Variants in ZNF804B observed in about 807,000 individuals in gnomAD.
The protein encoded by ZNF804B is zinc finger 804B.
A neutral mutation model predicts 101.4 loss-of-function variants in ZNF804B; 80 were observed. The ratio of observed to expected loss-of-function variants is 0.79; its 90% CI spans 0.66 to 0.95. The LOEUF (loss-of-function observed/expected upper bound fraction) is 0.95. Ranked by LOEUF, ZNF804B falls within the 40% of genes least tolerant of loss-of-function variation. The pLI is 0.00. For synonymous variants in ZNF804B, 622 were observed against 558.8 expected, an observed-to-expected ratio of 1.11 and a Z score of -1.59; for missense variants, 1,673 against 1,561.9, an observed-to-expected ratio of 1.07 and a Z score of -1.20.
At chr7:89,070,989 C>T (rs868476352) in intron 1 of ZNF804B, among the ~76,000 whole-genome samples, 1 of 152,112 alleles carries the variant, frequency 6.6e-6, no homozygotes, top group Non-Finnish European at 1.5e-5. Flanking sequence ...TTCATAGATG[C>T]TCAAGTCTCC....
intron 2 of ZNF804B, among the ~76,000 whole-genome samples, chr7:89,279,008 G>A (rs1285913491): frequency 6.6e-6 from 1 of 152,104 alleles, no homozygotes; most frequent in Non-Finnish European, 1.5e-5. Flanking sequence ...CCATTTGTTT[G>A]TATCCTCTTT....
intron 1 of ZNF804B, among the ~76,000 whole-genome samples, chr7:88,763,479 C>A (rs1789929095): frequency 6.6e-6 from 1 of 151,416 alleles, no homozygotes; most frequent in Non-Finnish European, 1.5e-5. Flanking sequence ...TAGCATACTG[C>A]TTTTTAAACC....
At chr7:89,160,657 G>C (rs1236229895) in intron 1 of ZNF804B, among the ~76,000 whole-genome samples, 1 of 152,066 alleles carries the variant, frequency 6.6e-6, no homozygotes, top group Non-Finnish European at 1.5e-5. Flanking sequence ...GAAAAACAAA[G>C]ACATTTATCA....
intron 2 of ZNF804B, among the ~76,000 whole-genome samples, chr7:89,326,991 A>G (rs1790905974): frequency 1.4e-5 from 2 of 145,946 alleles, no homozygotes; most frequent in Non-Finnish European, 1.5e-5. Context: ...AAGAACATGC[A>G]TCTCATAACC....
chr7:88,796,054 C>T (rs1790478103), intron 1 of ZNF804B, among the ~76,000 whole-genome samples: 1 of 152,020 alleles, frequency 6.6e-6, no homozygotes, highest in South Asian at 2.1e-4. Context: ...CTGAATCTAT[C>T]TAATGGTGAA....
intron 2 of ZNF804B, among the ~76,000 whole-genome samples, chr7:89,236,492 G>T (rs1789283487): frequency 2.0e-5 from 3 of 152,000 alleles, no homozygotes; most frequent in Admixed American, 6.6e-5. Context: ...ATAGAGAAAA[G>T]AAATAATTCT....
At chr7:89,069,856 T>C (rs1789508341) in intron 1 of ZNF804B, among the ~76,000 whole-genome samples, 1 of 152,222 alleles carries the variant, frequency 6.6e-6, no homozygotes, top group Admixed American at 6.5e-5. Context: ...ATTTCAGTAT[T>C]ATCATCTGAA....
chr7:88,857,007 G>A (rs1412565310), intron 1 of ZNF804B, among the ~76,000 whole-genome samples: 2 of 152,012 alleles, frequency 1.3e-5, no homozygotes, highest in African/African-American at 2.4e-5. Context: ...GATTCGGTTC[G>A]CCAGTATTTT....
intron 1 of ZNF804B, among the ~76,000 whole-genome samples, chr7:88,936,550 A>G (rs749031235): frequency 4.1e-4 from 63 of 152,142 alleles, no homozygotes; most frequent in Non-Finnish European, 3.7e-4. Flanking sequence ...GGAGAAATCA[A>G]TGGGCCCAGG....
chr7:88,820,092 A>AT (rs954546355), intron 1 of ZNF804B, among the ~76,000 whole-genome samples: 3 of 152,156 alleles, frequency 2.0e-5, no homozygotes, highest in African/African-American at 4.8e-5. Flanking sequence ...TTTGCCACTT[A>AT]TTTTTTAGCA....
chr7:89,122,724 A>C (rs1369286967), intron 1 of ZNF804B, among the ~76,000 whole-genome samples: 2 of 152,066 alleles, frequency 1.3e-5, no homozygotes, highest in East Asian at 1.9e-4. Context: ...CAGAGGACAC[A>C]CCCCATCAAT....
intron 1 of ZNF804B, among the ~76,000 whole-genome samples, chr7:89,187,644 A>C (rs1416446875): frequency 1.3e-5 from 2 of 152,124 alleles, no homozygotes; most frequent in Admixed American, 6.6e-5. Flanking sequence ...GTGAGTATTC[A>C]TTTTTTCTAC....
intron 1 of ZNF804B, among the ~76,000 whole-genome samples, chr7:88,930,390 T>G (rs1792865024): frequency 6.6e-6 from 1 of 152,010 alleles, no homozygotes; most frequent in African/African-American, 2.4e-5. Context: ...CTCCAACAAT[T>G]TAAAAGGCAA....
intron 1 of ZNF804B, among the ~76,000 whole-genome samples, chr7:88,968,803 C>T (rs1438475002): frequency 6.6e-6 from 1 of 151,630 alleles, no homozygotes; most frequent in Non-Finnish European, 1.5e-5. Flanking sequence ...TGTGCTACCT[C>T]AGGTAGTTCA....
At chr7:89,223,836 A>G (rs1789041363) in intron 2 of ZNF804B, among the ~76,000 whole-genome samples, 1 of 151,904 alleles carries the variant, frequency 6.6e-6, no homozygotes, top group African/African-American at 2.4e-5. Context: ...GTTTTTGGAA[A>G]CAACTCAATA....
At chr7:89,265,416 T>A (rs1789778290) in intron 2 of ZNF804B, among the ~76,000 whole-genome samples, 1 of 152,108 alleles carries the variant, frequency 6.6e-6, no homozygotes, top group African/African-American at 2.4e-5. Context: ...CAGAGAGGAG[T>A]CAAGTGGAAC....
intron 2 of ZNF804B, among the ~76,000 whole-genome samples, chr7:89,326,619 C>T (rs1047267173): frequency 6.6e-6 from 1 of 151,972 alleles, no homozygotes; most frequent in African/African-American, 2.4e-5. Flanking sequence ...GGCTGTTTCT[C>T]AGTTCATTCA....
At chr7:89,032,879 A>G (rs1242081906) in intron 1 of ZNF804B, among the ~76,000 whole-genome samples, 1 of 152,090 alleles carries the variant, frequency 6.6e-6, no homozygotes, top group Admixed American at 6.6e-5. Context: ...ATTTATGAAT[A>G]TAATGTGGAA....
intron 1 of ZNF804B, among the ~76,000 whole-genome samples, chr7:88,992,564 A>G (rs1169272109): frequency 6.6e-6 from 1 of 152,100 alleles, no homozygotes; most frequent in Non-Finnish European, 1.5e-5. Flanking sequence ...TAAAAAATCT[A>G]CTTTCAAGCT....
Sources: allele counts gnomAD v4.1 joint callset (sites outside exome capture counted in the v4.1 genomes callset), GRCh38; gene constraint gnomAD v4.1.1; transcripts MANE v1.5; gene names NCBI Gene and HGNC (gene_info 2026-07-23, HGNC 2026-07-21).